The following TRANK1 variants were observed in gnomAD, a reference collection of about 807,000 sequenced individuals.
TRANK1 encodes TPR and ankyrin repeat-containing protein 1.
TRANK1 carries 198 observed loss-of-function variants against 266.0 expected under a neutral mutation model. The ratio of observed to expected loss-of-function variants is 0.74; its 90% CI spans 0.66 to 0.84. The LOEUF is 0.84. Among genes scored for constraint, TRANK1 ranks in the 40% least tolerant of loss-of-function variants. The pLI is 0.00. For missense variants in TRANK1, 3,326 were observed against 3,634.6 expected (o/e 0.92, Z 2.18); for synonymous variants, 1,396 against 1,384.1 (o/e 1.01, Z -0.19).
intron 1 of TRANK1, among the ~76,000 whole-genome samples, chr3:36,936,487 CA>C (rs1335747753): frequency 5.5e-5 from 7 of 127,842 alleles, no homozygotes; most frequent in African/African-American, 1.8e-4. Flanking sequence ...TCCTCTGTCT[CA>C]AAAAAAGAAA....
At chr3:36,918,812 G>A (rs2080175338) in intron 1 of TRANK1, among the ~76,000 whole-genome samples, 1 of 152,146 alleles carries the variant, frequency 6.6e-6, no homozygotes, top group South Asian at 2.1e-4. Context: ...GGATATCAAA[G>A]TTTCCTCGGT....
intron 1 of TRANK1, among the ~76,000 whole-genome samples, chr3:36,929,883 ATTGTTGTTG>A (rs201004320): frequency 6.7e-5 from 10 of 149,058 alleles, no homozygotes; most frequent in South Asian, 4.4e-4. Context: ...GATGCAGCAG[ATTGTTGTTG>A]TTGTTGTTGT....
chr3:36,915,852 A>AGTAG (rs1336845040), intron 1 of TRANK1, among the ~76,000 whole-genome samples: 1 of 152,204 alleles, frequency 6.6e-6, no homozygotes, highest in African/African-American at 2.4e-5. Context: ...TGACGAGGAC[A>AGTAG]GTAGGTGTCC....
chr3:36,880,837 C>T (rs2079520622), intron 8 of TRANK1: 1 of 150,668 alleles, frequency 6.6e-6, no homozygotes, highest in Non-Finnish European at 1.5e-5. Flanking sequence ...TGTGCTGCAC[C>T]CATTAACTCG....
rs769592280 is a variant in TRANK1, at chr3:36,832,644, A to G, written c.6939T>C (p.Phe2313=). The G allele has an allele frequency of 1.1e-5, 17 of 1,613,860 alleles. No homozygotes were observed. In the South Asian group the frequency reaches 1.8e-4, roughly 17 times the overall value. Residue 2313 remains phenylalanine (F), a synonymous_variant, in exon 22 of 24, where the codon TTT becomes TTC. Coordinates refer to ENST00000645898, the MANE Select transcript of TRANK1 (RefSeq NM_001329998.2). ...YRFALKEYIH[F]LFENESARNR... ...TGCGTGCGCTTTCATTTTCAAACAG[A>G]AAGTGGATGTACTCCTTCAAAGCAA...
intron 1 of TRANK1, among the ~76,000 whole-genome samples, chr3:36,935,739 A>G (rs1235451663): frequency 1.8e-4 from 28 of 152,156 alleles, no homozygotes; most frequent in Admixed American, 1.8e-3. Context: ...GAGTCACCGC[A>G]CACGGCCAAA....
rs757937909 is a variant in TRANK1 at position 36,858,057 on chromosome 3, A to G, written c.1673-8T>C. On this transcript the variant is annotated splice_polypyrimidine_tract_variant and splice_region_variant and intron_variant, in intron 12 of 23. Coordinates refer to ENST00000645898, the MANE Select transcript of TRANK1 (RefSeq NM_001329998.2). The stretch of plus-strand genomic sequence containing the variant: ...AGCTAAAACCAATGTCAGCTGAAAG[A>G]CACAAACAAAACCCTGTGAGCACTG... The G allele has an allele frequency of 3.3e-6, 5 of 1,522,334 alleles. No individual in the cohort carries two copies. Among genetic ancestry groups the G allele is most frequent in the Admixed American group, 2.0e-5 (1 of 49,956 alleles). 94.3% of individuals were successfully genotyped at this position (1,522,334 alleles called of 1,614,324 possible).
chr3:36,887,322 C>G (rs2125598991), intron 8 of TRANK1, among the ~76,000 whole-genome samples: 1 of 152,224 alleles, frequency 6.6e-6, no homozygotes, highest in East Asian at 1.9e-4. Context: ...GATAAAAATT[C>G]AAATAAAAAA....
chr3:36,889,103 T>A (rs946926844), intron 8 of TRANK1, among the ~76,000 whole-genome samples: 1 of 152,058 alleles, frequency 6.6e-6, no homozygotes, highest in Non-Finnish European at 1.5e-5. Flanking sequence ...CCCAGCCTGG[T>A]TCCTATGATC....
chr3:36,898,986 A>T (rs1394275777), intron 4 of TRANK1, 123 bp downstream of exon 4: 2 of 1,077,020 alleles, frequency 1.9e-6, no homozygotes, highest in East Asian at 2.6e-5. Flanking sequence ...TAGATTCATT[A>T]AACTGCATAA....
chr3:36,915,026 A>G (rs2080105735), intron 1 of TRANK1, among the ~76,000 whole-genome samples: 1 of 152,032 alleles, frequency 6.6e-6, no homozygotes, highest in African/African-American at 2.4e-5. Flanking sequence ...ATCTCCACTC[A>G]CTGCAAGCTC....
At chr3:36,869,313 G>A (rs773474386) in intron 9 of TRANK1, among the ~76,000 whole-genome samples, 3 of 152,216 alleles carry the variant, frequency 2.0e-5, no homozygotes, top group Non-Finnish European at 4.4e-5. Context: ...TCACCTAGAT[G>A]CCAAAAGCAG....
At chr3:36,936,242 C>T (rs976429950) in intron 1 of TRANK1, among the ~76,000 whole-genome samples, 13 of 151,994 alleles carry the variant, frequency 8.6e-5, no homozygotes, top group African/African-American at 1.7e-4. Context: ...CCCAGCACTT[C>T]GGGAGGCCAA....
rs1309746165 is a variant in TRANK1, at chr3:36,903,195, A to G, written c.236T>C (p.Phe79Ser). 1 of 1,537,310 alleles carries G rather than the reference A, an allele frequency of 6.5e-7. No homozygotes were observed. Among genetic ancestry groups the G allele is most frequent in the Non-Finnish European group, 8.7e-7 (1 of 1,146,938 alleles). ...TTGGAGACATTCCTTGGCAGCAACA[A>G]ATGCCTCATTCCACTTCCCAAGGCT... is the stretch of plus-strand genomic sequence containing the variant. ...FFSLGKWNEA[F>S]VAAKECLQWD... Residue 79 changes from phenylalanine to serine, a missense_variant, in exon 3 of 24, where the codon TTT (phenylalanine) becomes TCT (serine). Physicochemically the swap from Phe to Ser is radical, Grantham distance 155 (BLOSUM62 -2). Coordinates refer to ENST00000645898, the MANE Select transcript of TRANK1 (RefSeq NM_001329998.2).
intron 2 of TRANK1, among the ~76,000 whole-genome samples, chr3:36,904,116 C>T (rs1336863754): frequency 2.0e-5 from 3 of 151,974 alleles, no homozygotes; most frequent in East Asian, 2.0e-4. Context: ...CCACCACACC[C>T]GGCTAATTTT....
intron 1 of TRANK1, among the ~76,000 whole-genome samples, chr3:36,912,597 T>C (rs192785613): frequency 6.6e-6 from 1 of 152,162 alleles, no homozygotes; most frequent in Non-Finnish European, 1.5e-5. Flanking sequence ...CTGAGCTACA[T>C]ATGAGGAAGA....
Position 36,873,173 on chromosome 3 carries a change from T to C in TRANK1, c.1078+953A>G, listed in dbSNP as rs2079334633. Among the ~76,000 whole-genome samples, 3 of 152,210 alleles carry C rather than the reference T, an allele frequency of 2.0e-5. No individual in the cohort carries two copies. In the South Asian group the frequency reaches 6.2e-4, roughly 32 times the overall value. On this transcript the variant is annotated intron_variant, in intron 9 of 23. Transcript: ENST00000645898. ...CTGGGAGGCAGGGGGGAGTGTAACT[T>C]ACTATTGAAGAAATACAATGCCTAT...
intron 15 of TRANK1, 92 bp from the exon 16 acceptor site, chr3:36,847,438 C>A: frequency 7.0e-7 from 1 of 1,425,146 alleles, no homozygotes; most frequent in South Asian, 1.3e-5. Flanking sequence ...TAAGCCTCAT[C>A]GGGGGACCAG....
intron 1 of TRANK1, 174 bp from the exon 2 acceptor site, chr3:36,908,628 C>A (rs1278395419): frequency 2.4e-5 from 29 of 1,227,868 alleles, no homozygotes; most frequent in African/African-American, 4.7e-5. Flanking sequence ...GAGTGTCTGA[C>A]AAGACTATTT....
Sources: gnomAD v4.1 joint callset for allele counts (sites outside exome capture counted in the v4.1 genomes callset) on GRCh38, gnomAD v4.1.1 for gene constraint, MANE v1.5 for transcripts, NCBI Gene and HGNC (gene_info 2026-07-23, HGNC 2026-07-21) for gene names.